Variants in BMPR2 observed in about 807,000 individuals in gnomAD.
BMPR2 encodes the protein bone morphogenetic protein receptor type-2.
In BMPR2, 29 loss-of-function variants were observed where a neutral mutation model predicts 100.8. That is an observed-to-expected ratio of 0.29 (90% CI 0.21 to 0.39). The LOEUF (loss-of-function observed/expected upper bound fraction) is 0.39. BMPR2 is among the 10% of genes least tolerant of loss of function. BMPR2 has a pLI of 1.00. For synonymous variants in BMPR2, 382 were observed against 442.3 expected, an observed-to-expected ratio of 0.86 and a Z score of 1.71; for missense variants, 1,011 against 1,274.5, an observed-to-expected ratio of 0.79 and a Z score of 3.15.
Position 202,405,756 on chromosome 2 carries a change from T to C in BMPR2, c.76+28206T>C, listed in dbSNP as rs1476397687. On this transcript the variant is annotated intron_variant, in intron 1 of 12. Transcript: ENST00000374580. ...AAAGGTACTAAAATATATACCTTTT[T>C]TCTTTCTTTGTAGTGTCTCCTTCAA... Among the ~76,000 whole-genome samples, 3 of 152,072 alleles carry C rather than the reference T, an allele frequency of 2.0e-5. No individual in the cohort carries two copies. The East Asian group carries it at 5.8e-4, about 29-fold the overall frequency.
chr2:202,542,912 C>T (rs1419519649), intron 10 of BMPR2, among the ~76,000 whole-genome samples: 2 of 151,946 alleles, frequency 1.3e-5, no homozygotes, highest in Non-Finnish European at 2.9e-5. Context: ...TGCGGTGGCT[C>T]ACACCTGTAA....
intron 5 of BMPR2, among the ~76,000 whole-genome samples, chr2:202,516,057 A>G (rs1013127896): frequency 3.9e-5 from 6 of 152,170 alleles, no homozygotes; most frequent in Non-Finnish European, 2.9e-5. Flanking sequence ...ATTTTTATAG[A>G]TACATAAGGC....
At chr2:202,389,413 G>T (rs1445785496) in intron 1 of BMPR2, among the ~76,000 whole-genome samples, 1 of 148,336 alleles carries the variant, frequency 6.7e-6, no homozygotes, top group Non-Finnish European at 1.5e-5. Flanking sequence ...TGTAGTCCCA[G>T]CTACTCGGGA....
intron 1 of BMPR2, among the ~76,000 whole-genome samples, chr2:202,398,039 T>C (rs1690689058): frequency 6.6e-6 from 1 of 150,532 alleles, no homozygotes; most frequent in Non-Finnish European, 1.5e-5. Context: ...GCTCCTGAGA[T>C]TGGAGATTGC....
chr2:202,514,238 G>A (rs1430548502), intron 4 of BMPR2, among the ~76,000 whole-genome samples: 1 of 152,118 alleles, frequency 6.6e-6, no homozygotes, highest in African/African-American at 2.4e-5. Context: ...CAGGGTTCAC[G>A]CCATTCTCCT....
intron 1 of BMPR2, among the ~76,000 whole-genome samples, chr2:202,395,671 C>G (rs932585670): frequency 1.3e-5 from 2 of 152,216 alleles, no homozygotes; most frequent in African/African-American, 2.4e-5. Context: ...TGCGGTGGCC[C>G]ATGCCTGTAA....
intron 1 of BMPR2, among the ~76,000 whole-genome samples, chr2:202,403,872 G>C (rs1162303069): frequency 6.6e-6 from 1 of 152,038 alleles, no homozygotes; most frequent in African/African-American, 2.4e-5. Flanking sequence ...GGGTGTGGTG[G>C]CACATGCCTG....
In BMPR2 at chr2:202,556,402, C is replaced by A. The variant is rs769603144; in HGVS notation, c.2737C>A (p.Gln913Lys). Residue 913 changes from glutamine to lysine, a missense_variant, in exon 12 of 13, where the codon CAA becomes AAA. Coordinates refer to ENST00000374580, the MANE Select transcript of BMPR2 (RefSeq NM_001204.7). ...NNNNSNPCSE[Q>K]DVLAQGVPST... Reference sequence around the variant, plus strand: ...CAACAACAGCAATCCATGTTCAGAACAAGATGTTCTTGCACAGGGTGTTCC... The same window carrying A: ...CAACAACAGCAATCCATGTTCAGAAAAAGATGTTCTTGCACAGGGTGTTCC... 6.2e-7 allele frequency: 1 copy of A among 1,614,200 alleles called. No homozygotes were observed. Among genetic ancestry groups the A allele is most frequent in the Non-Finnish European group, 8.5e-7 (1 of 1,180,042 alleles).
chr2:202,532,794 AC>A lies in BMPR2; in HGVS notation c.1276+64del, dbSNP rs150097254. On this transcript the variant is annotated intron_variant, in intron 9 of 12. Coordinates refer to ENST00000374580, the MANE Select transcript of BMPR2 (RefSeq NM_001204.7). This position sits in a 1 kb window ranked among gnomAD's most constrained non-coding sequence, Gnocchi z 4.1. Reference sequence around the variant, plus strand: ...TGAAGCAGTTATATCTTCTTTCTCTACCTATAGTACCTAACTCAACTTTTAT... The same window carrying A: ...TGAAGCAGTTATATCTTCTTTCTCTACTATAGTACCTAACTCAACTTTTAT... 6.5e-3 allele frequency: 10,014 copies of A among 1,536,872 alleles called. 591 individuals are homozygous for A. The African/African-American group carries it at 0.12, about 19-fold the overall frequency.
intron 12 of BMPR2, 97 bp downstream of exon 12, chr2:202,556,628 T>C: frequency 1.5e-6 from 2 of 1,376,838 alleles, no homozygotes; most frequent in Non-Finnish European, 2.0e-6. Context: ...AACTAGTGAT[T>C]ATTTACCTTT....
intron 1 of BMPR2, among the ~76,000 whole-genome samples, chr2:202,457,071 C>CT (rs1336044622): frequency 6.6e-6 from 1 of 151,974 alleles, no homozygotes; most frequent in Non-Finnish European, 1.5e-5. Context: ...TCCAATAACC[C>CT]ATATACTATT....
chr2:202,515,293 C>T lies in BMPR2; in HGVS notation c.621+314C>T, dbSNP rs541909539. Among the ~76,000 whole-genome samples, 9 of 152,132 alleles carry T rather than the reference C, an allele frequency of 5.9e-5. 1 individual carries two copies. In the South Asian group the frequency reaches 1.9e-3, roughly 32 times the overall value. ...GGGGGTTATTAAAGAAAATATGGGC[C>T]AGGCGCAGTGGCTCATGCCTGTAAT... On this transcript the variant is annotated intron_variant, in intron 5 of 12. Coordinates refer to ENST00000374580, the MANE Select transcript of BMPR2 (RefSeq NM_001204.7).
At position 202,563,200 on chromosome 2, in the gene BMPR2, G is replaced by C. The variant is rs960532240; in HGVS notation, c.*3254G>C. The C allele has an allele frequency of 6.6e-6, 1 of 152,218 alleles. No homozygotes were observed. The allele number at this position is 152,218 out of a possible 1,614,324, so 9.4% of individuals were successfully genotyped here. ...TATAATCCCCGCACTTTGGGAGGCCGAGCCGGGTGGATCATGAGGTCAGAC... is the reference window on the plus strand; with the variant it reads ...TATAATCCCCGCACTTTGGGAGGCCCAGCCGGGTGGATCATGAGGTCAGAC... On this transcript the variant is annotated 3_prime_UTR_variant, in exon 13 of 13. Coordinates refer to ENST00000374580, the MANE Select transcript of BMPR2 (RefSeq NM_001204.7).
intron 3 of BMPR2, among the ~76,000 whole-genome samples, chr2:202,471,205 G>T (rs1332025128): frequency 6.6e-6 from 1 of 152,210 alleles, no homozygotes; most frequent in East Asian, 1.9e-4. Context: ...AATGAACTGT[G>T]AACCACTGGA....
chr2:202,535,333 C>T (rs376341848), intron 9 of BMPR2, among the ~76,000 whole-genome samples: 1 of 148,832 alleles, frequency 6.7e-6, no homozygotes, highest in Non-Finnish European at 1.5e-5. Context: ...TCAGACGGGG[C>T]GGTTGCCAGG....
chr2:202,408,535 T>G (rs1246903492), intron 1 of BMPR2, among the ~76,000 whole-genome samples: 1 of 152,210 alleles, frequency 6.6e-6, no homozygotes. Context: ...TAATGGGTCT[T>G]CTCCAAAGCA....
intron 1 of BMPR2, among the ~76,000 whole-genome samples, chr2:202,398,779 T>G (rs1489552411): frequency 6.6e-6 from 1 of 152,232 alleles, no homozygotes. Context: ...TAGTATTTTG[T>G]AGCTATACAA....
chr2:202,402,721 C>T (rs1319645856), intron 1 of BMPR2, among the ~76,000 whole-genome samples: 1 of 149,490 alleles, frequency 6.7e-6, no homozygotes, highest in Non-Finnish European at 1.5e-5. Flanking sequence ...TGCTGGAGTG[C>T]GGTGGCATGA....
chr2:202,560,199 CAG>C lies in BMPR2; in HGVS notation c.*256_*257del. 2.0e-6 allele frequency: 1 copy of C among 489,730 alleles called. No homozygotes were observed. The highest frequency in any genetic ancestry group is 3.7e-6 in the Non-Finnish European group (1 of 272,112). The allele number at this position is 489,730 out of a possible 1,614,324, so 30.3% of individuals were successfully genotyped here. A position where few individuals can be genotyped will look rare whatever the true frequency, so the allele number is the denominator to read the frequency against. On this transcript the variant is annotated 3_prime_UTR_variant, in exon 13 of 13. Transcript: ENST00000374580. Reference sequence around the variant, plus strand: ...AAGTTATATTTGTCTGTTATGACCACAGAGTTATATGTGTGTGTATCAAAAGT... The same window carrying C: ...AAGTTATATTTGTCTGTTATGACCACAGTTATATGTGTGTGTATCAAAAGT...
Sources: allele counts gnomAD v4.1 joint callset (sites outside exome capture counted in the v4.1 genomes callset), GRCh38; gene constraint gnomAD v4.1.1; non-coding constraint Gnocchi (gnomAD v3.1); transcripts MANE v1.5; gene names NCBI Gene and HGNC (gene_info 2026-07-23, HGNC 2026-07-21).